The following PLXDC2 variants were observed in gnomAD, a reference collection of about 807,000 sequenced individuals.
The protein encoded by PLXDC2 is plexin domain containing 2, also known as plexin domain-containing protein 2.
PLXDC2 carries 40 observed loss-of-function variants against 68.9 expected under a neutral mutation model. That is an observed-to-expected ratio of 0.58 (90% CI 0.45 to 0.76). The LOEUF (loss-of-function observed/expected upper bound fraction) is 0.76, where lower values mean the gene tolerates loss of function less well. PLXDC2 is among the 30% of genes least tolerant of loss of function. PLXDC2 has a pLI of 0.00. For missense variants in PLXDC2, 644 were observed against 661.9 expected (o/e 0.97, Z 0.30); for synonymous variants, 243 against 234.2 (o/e 1.04, Z -0.34).
chr10:20,182,871 G>A (rs1455068885), intron 9 of PLXDC2, among the ~76,000 whole-genome samples: 2 of 151,580 alleles, frequency 1.3e-5, no homozygotes, highest in Non-Finnish European at 2.9e-5. Context: ...GACAGGCCGT[G>A]GTGTGTGATG....
chr10:20,238,682 T>G (rs1835470700), intron 12 of PLXDC2, among the ~76,000 whole-genome samples: 1 of 137,518 alleles, frequency 7.3e-6, no homozygotes, highest in South Asian at 2.2e-4. Flanking sequence ...TATATGTATA[T>G]ATATATATAT....
intron 13 of PLXDC2, among the ~76,000 whole-genome samples, chr10:20,270,826 T>C (rs1275705794): frequency 6.6e-6 from 1 of 151,922 alleles, no homozygotes; most frequent in Non-Finnish European, 1.5e-5. Flanking sequence ...CCTGCCGAAA[T>C]TGAATTTTCT....
intron 1 of PLXDC2, among the ~76,000 whole-genome samples, chr10:19,869,154 T>G (rs1837484063): frequency 6.6e-6 from 1 of 152,054 alleles, no homozygotes; most frequent in Admixed American, 6.6e-5. Context: ...CCCAGCACTT[T>G]GGGAGGCCAA....
At chr10:20,206,990 C>G (rs10508618) in intron 9 of PLXDC2, among the ~76,000 whole-genome samples, 5,750 of 152,184 alleles carry the variant, frequency 0.038, 355 homozygotes, top group African/African-American at 0.13. Context: ...GTTTATACAA[C>G]TGTCTCTCAC....
At chr10:20,268,400 A>G (rs1835896983) in intron 13 of PLXDC2, among the ~76,000 whole-genome samples, 1 of 152,188 alleles carries the variant, frequency 6.6e-6, no homozygotes, top group South Asian at 2.1e-4. Context: ...ATTTCAACAT[A>G]TACAGATTAA....
At chr10:20,243,849 A>G (rs1283660449) in intron 12 of PLXDC2, among the ~76,000 whole-genome samples, 1 of 152,184 alleles carries the variant, frequency 6.6e-6, no homozygotes, top group Non-Finnish European at 1.5e-5. Flanking sequence ...ACTTGAGGTC[A>G]GGTATTCAAG....
chr10:20,093,627 A>G (rs1833310126), intron 4 of PLXDC2, among the ~76,000 whole-genome samples: 1 of 152,216 alleles, frequency 6.6e-6, no homozygotes, highest in African/African-American at 2.4e-5. Context: ...AGTTACCACA[A>G]AAACTGCATG....
intron 1 of PLXDC2, among the ~76,000 whole-genome samples, chr10:19,984,879 A>G (rs537209629): frequency 2.0e-5 from 3 of 152,342 alleles, no homozygotes; most frequent in East Asian, 1.9e-4. Flanking sequence ...TTTATTATCA[A>G]TGATAGGAAG....
At chr10:20,246,870 T>C (rs1035361816) in intron 13 of PLXDC2, among the ~76,000 whole-genome samples, 1 of 152,196 alleles carries the variant, frequency 6.6e-6, no homozygotes, top group Non-Finnish European at 1.5e-5. Flanking sequence ...TTTTAAACTA[T>C]GGAGTTAAAA....
chr10:20,171,987 T>C (rs10827982), intron 7 of PLXDC2, among the ~76,000 whole-genome samples: 54,494 of 151,742 alleles, frequency 0.36, 11,020 homozygotes, highest in Non-Finnish European at 0.47. Context: ...AAATTACTTA[T>C]TGGGTACAAT....
chr10:19,952,553 A>C (rs555403755), intron 1 of PLXDC2, among the ~76,000 whole-genome samples: 3 of 152,352 alleles, frequency 2.0e-5, no homozygotes, highest in Admixed American at 2.0e-4. Context: ...AAATGCAGGA[A>C]ATTCCATTTA....
intron 1 of PLXDC2, among the ~76,000 whole-genome samples, chr10:19,819,028 G>C (rs1294091831): frequency 1.2e-5 from 1 of 85,930 alleles, no homozygotes; most frequent in African/African-American, 5.8e-5. Context: ...AAGAATATAT[G>C]TATACACACA....
intron 1 of PLXDC2, among the ~76,000 whole-genome samples, chr10:19,834,983 T>G (rs530618837): frequency 1.3e-5 from 2 of 152,170 alleles, no homozygotes; most frequent in South Asian, 2.1e-4. Context: ...TAGGGAGGTA[T>G]GTCTGGGTCT....
intron 2 of PLXDC2, among the ~76,000 whole-genome samples, chr10:20,016,084 C>T (rs985157696): frequency 1.3e-4 from 20 of 152,238 alleles, no homozygotes; most frequent in Admixed American, 3.3e-4. Flanking sequence ...CTCTGGATAT[C>T]GCTCCAAACC....
intron 1 of PLXDC2, among the ~76,000 whole-genome samples, chr10:19,983,089 T>C (rs1834579210): frequency 2.0e-5 from 3 of 152,224 alleles, no homozygotes; most frequent in Admixed American, 6.5e-5. Flanking sequence ...TTTGATGATA[T>C]AAATCCTCTT....
intron 1 of PLXDC2, among the ~76,000 whole-genome samples, chr10:19,924,821 GT>G (rs1005131780): frequency 2.6e-5 from 4 of 152,154 alleles, no homozygotes; most frequent in Non-Finnish European, 5.9e-5. Flanking sequence ...GTGTCTGTGT[GT>G]TCACCTGTAA....
chr10:19,967,108 T>C (rs1055675489), intron 1 of PLXDC2, among the ~76,000 whole-genome samples: 4 of 152,232 alleles, frequency 2.6e-5, no homozygotes, highest in Admixed American at 6.5e-5. Context: ...AATGACACCA[T>C]CACATTCCCC....
At chr10:20,102,044 C>CAGG in intron 4 of PLXDC2, among the ~76,000 whole-genome samples, 1 of 152,082 alleles carries the variant, frequency 6.6e-6, no homozygotes, top group Non-Finnish European at 1.5e-5. Flanking sequence ...TCATTTGATC[C>CAGG]TCCCGCCTCG....
intron 4 of PLXDC2, among the ~76,000 whole-genome samples, chr10:20,123,276 A>G (rs1833724726): frequency 6.6e-6 from 1 of 152,130 alleles, no homozygotes; most frequent in South Asian, 2.1e-4. Flanking sequence ...AGAAAGACTC[A>G]GAGACGCTTG....
Sources: gnomAD v4.1 joint callset for allele counts (sites outside exome capture counted in the v4.1 genomes callset) on GRCh38, gnomAD v4.1.1 for gene constraint, MANE v1.5 for transcripts, NCBI Gene and HGNC (gene_info 2026-07-23, HGNC 2026-07-21) for gene names.